The following PLD1 variants were observed in gnomAD, a reference collection of about 807,000 sequenced individuals.
PLD1 encodes phospholipase D1, also known as choline phosphatase 1.
In PLD1, 112 loss-of-function variants were observed where a neutral mutation model predicts 137.1. The observed-to-expected ratio is 0.82, with a 90% CI of 0.70 to 0.96. PLD1 has a LOEUF of 0.96. Among genes scored for constraint, PLD1 ranks in the 40% least tolerant of loss-of-function variants. The probability of loss-of-function intolerance (pLI) is 0.00; values close to 1 mark genes in which losing one functional copy is unlikely to be tolerated. For missense variants in PLD1, 1,321 were observed against 1,342.0 expected, an observed-to-expected ratio of 0.98 and a Z score of 0.24; for synonymous variants, 431 against 454.7, an observed-to-expected ratio of 0.95 and a Z score of 0.66.
At chr3:171,658,885 A>G (rs1468035146) in intron 21 of PLD1, among the ~76,000 whole-genome samples, 2 of 152,254 alleles carry the variant, frequency 1.3e-5, no homozygotes, top group Non-Finnish European at 2.9e-5. Context: ...AATATAACCC[A>G]TAGCAAAATA....
chr3:171,758,653 A>G (rs1438973986), intron 1 of PLD1, among the ~76,000 whole-genome samples: 1 of 152,242 alleles, frequency 6.6e-6, no homozygotes, highest in African/African-American at 2.4e-5. Flanking sequence ...ACTAGATCCA[A>G]AGTAAAACAC....
At chr3:171,676,678 T>A (rs1179755617) in intron 18 of PLD1, 37 bp downstream of exon 18, 1 of 1,513,138 alleles carries the variant, frequency 6.6e-7, no homozygotes. Context: ...CCTGCCTCTC[T>A]TCATGTGGAT....
intron 9 of PLD1, among the ~76,000 whole-genome samples, chr3:171,712,832 A>G (rs1717376655): frequency 6.6e-6 from 1 of 152,202 alleles, no homozygotes; most frequent in African/African-American, 2.4e-5. Context: ...AGGAAGGTGT[A>G]ATGGCAGCAC....
intron 8 of PLD1, among the ~76,000 whole-genome samples, chr3:171,723,902 G>A (rs994225525): frequency 2.6e-5 from 4 of 151,986 alleles, no homozygotes; most frequent in African/African-American, 9.7e-5. Context: ...CCCATTCTGT[G>A]GTTTATCTCT....
intron 11 of PLD1, among the ~76,000 whole-genome samples, chr3:171,708,286 A>T (rs1716856740): frequency 6.6e-6 from 1 of 152,166 alleles, no homozygotes; most frequent in Non-Finnish European, 1.5e-5. Context: ...TTGAAACCGG[A>T]TGTATCTCTA....
chr3:171,759,345 A>T (rs988531737), intron 1 of PLD1, among the ~76,000 whole-genome samples: 1 of 152,216 alleles, frequency 6.6e-6, no homozygotes, highest in Non-Finnish European at 1.5e-5. Flanking sequence ...TATTTTGATG[A>T]TATCCAGATA....
intron 1 of PLD1, among the ~76,000 whole-genome samples, chr3:171,784,949 T>C (rs1578469667): frequency 6.6e-6 from 1 of 152,210 alleles, no homozygotes; most frequent in African/African-American, 2.4e-5. Flanking sequence ...GCTAATAACA[T>C]ACAAATACAT....
At chr3:171,804,126 G>A (rs943130823) in intron 1 of PLD1, among the ~76,000 whole-genome samples, 1 of 151,816 alleles carries the variant, frequency 6.6e-6, no homozygotes, top group Admixed American at 6.6e-5. Flanking sequence ...TTTTGGGTCT[G>A]TATCTTCAGA....
At chr3:171,676,421 T>G (rs1232806064) in intron 18 of PLD1, among the ~76,000 whole-genome samples, 1 of 152,160 alleles carries the variant, frequency 6.6e-6, no homozygotes, top group Non-Finnish European at 1.5e-5. Flanking sequence ...CCCAGGCTAC[T>G]AAATGCTTAG....
intron 7 of PLD1, among the ~76,000 whole-genome samples, chr3:171,725,564 T>G (rs1389527401): frequency 2.6e-5 from 4 of 152,262 alleles, no homozygotes; most frequent in African/African-American, 4.8e-5. Context: ...TTAAGCTCTT[T>G]ATGTTTTCAA....
intron 9 of PLD1, among the ~76,000 whole-genome samples, chr3:171,710,869 G>GTTTTTTTTTTTTTTTT (rs1281179100): frequency 4.1e-5 from 4 of 98,680 alleles, no homozygotes; most frequent in East Asian, 2.4e-4. Flanking sequence ...TAGGAAAACT[G>GTTTTTTTTTTTTTTTT]TTCTTTTTTT....
chr3:171,646,570 T>G (rs1213027062), intron 21 of PLD1, among the ~76,000 whole-genome samples: 1 of 151,264 alleles, frequency 6.6e-6, no homozygotes, highest in Non-Finnish European at 1.5e-5. Context: ...ATAGTTTGAG[T>G]TGGAAAGAAG....
chr3:171,765,658 AG>A, intron 1 of PLD1, among the ~76,000 whole-genome samples: 1 of 152,306 alleles, frequency 6.6e-6, no homozygotes, highest in African/African-American at 2.4e-5. Flanking sequence ...TTTGGGCTTC[AG>A]TGACTTGATC....
chr3:171,646,007 A>C (rs1282639674), intron 21 of PLD1, among the ~76,000 whole-genome samples: 1 of 152,226 alleles, frequency 6.6e-6, no homozygotes, highest in Non-Finnish European at 1.5e-5. Flanking sequence ...CTTTGAAAGA[A>C]AATGAATTCT....
At chr3:171,705,839 G>C (rs898996384) in intron 11 of PLD1, among the ~76,000 whole-genome samples, 1 of 152,126 alleles carries the variant, frequency 6.6e-6, no homozygotes, top group Non-Finnish European at 1.5e-5. Context: ...TTCTAAGATA[G>C]GTGTCAACAA....
chr3:171,756,548 C>CG (rs780280538), intron 1 of PLD1, among the ~76,000 whole-genome samples: 1 of 151,824 alleles, frequency 6.6e-6, no homozygotes. Context: ...CGGTGAGGTT[C>CG]GGGGGGAAGA....
At chr3:171,713,185 C>T (rs1027092567) in intron 9 of PLD1, among the ~76,000 whole-genome samples, 11 of 152,136 alleles carry the variant, frequency 7.2e-5, no homozygotes, top group African/African-American at 1.2e-4. Context: ...CTTGGCCAGG[C>T]GGAGTGGCTC....
In PLD1 at chr3:171,724,845, C is replaced by T. The variant is rs7647840; in HGVS notation, c.666-57G>A. On this transcript the variant is annotated intron_variant, in intron 7 of 26. Transcript: ENST00000351298. Reference sequence around the variant, plus strand: ...TCAAATTTCCCACTCCCACTTAGCTCGTACAGCCTCCCAACATGGGACTAA... The same window carrying T: ...TCAAATTTCCCACTCCCACTTAGCTTGTACAGCCTCCCAACATGGGACTAA... The T allele has an allele frequency of 0.31, 304,199 of 989,056 alleles. 50,830 individuals carry two copies. Among genetic ancestry groups the T allele is most frequent in the African/African-American group, 0.52 (32,779 of 63,290 alleles). The allele number at this position is 989,056 out of a possible 1,614,324, so 61.3% of individuals were successfully genotyped here. A position where few individuals can be genotyped will look rare whatever the true frequency, so the allele number is the denominator to read the frequency against.
At chr3:171,722,239 TATAAA>T (rs765160209) in intron 8 of PLD1, among the ~76,000 whole-genome samples, 40 of 152,324 alleles carry the variant, frequency 2.6e-4, no homozygotes, top group African/African-American at 8.9e-4. Flanking sequence ...AGACGTAAGA[TATAAA>T]ATAATGTTTT....
Sources: gnomAD v4.1 joint callset for allele counts (sites outside exome capture counted in the v4.1 genomes callset) on GRCh38, gnomAD v4.1.1 for gene constraint, MANE v1.5 for transcripts, NCBI Gene and HGNC (gene_info 2026-07-23, HGNC 2026-07-21) for gene names.